KAZN: variants seen among roughly 807,000 people sequenced by gnomAD.
The protein encoded by KAZN is kazrin.
KAZN carries 40 observed loss-of-function variants against 87.4 expected under a neutral mutation model. That is an observed-to-expected ratio of 0.46 (90% CI 0.36 to 0.60). KAZN has a LOEUF of 0.60. KAZN is among the 20% of genes least tolerant of loss of function. The probability of loss-of-function intolerance (pLI) is 0.00; values close to 1 mark genes in which losing one functional copy is unlikely to be tolerated. For synonymous variants in KAZN, 466 were observed against 458.3 expected (o/e 1.02, Z -0.22); for missense variants, 898 against 1,073.9 (o/e 0.84, Z 2.29).
At chr1:14,143,025 G>A (rs1378183139) in intron 1 of KAZN, among the ~76,000 whole-genome samples, 2 of 152,054 alleles carry the variant, frequency 1.3e-5, no homozygotes, top group East Asian at 1.9e-4. Flanking sequence ...TAATTATCTC[G>A]GGGATGGAGC....
At chr1:14,972,756 T>C (rs1264171606) in intron 2 of KAZN, among the ~76,000 whole-genome samples, 136 of 152,126 alleles carry the variant, frequency 8.9e-4, no homozygotes, top group African/African-American at 3.1e-3. Context: ...CTCAAGTGAT[T>C]CGCCCACTGT....
At chr1:14,638,822 A>T (rs545322380) in intron 1 of KAZN, among the ~76,000 whole-genome samples, 2 of 152,070 alleles carry the variant, frequency 1.3e-5, no homozygotes, top group African/African-American at 2.4e-5. Context: ...CTCCCCTCTG[A>T]TCTCCTTGCT....
rs1003828640 is a variant in KAZN at position 14,289,589 on chromosome 1, G to A, written c.249+108997G>A. Among the ~76,000 whole-genome samples the A allele has an allele frequency of 2.6e-5, 4 of 151,826 alleles. No individual in the cohort carries two copies. In the East Asian group the frequency reaches 7.7e-4, roughly 29 times the overall value. ...GAGCCTATGTCTCTGCACATAAGAT[G>A]GGTCTCCCGAATATAGCACACTGTT... On this transcript the variant is annotated intron_variant, in intron 2 of 16. Transcript: ENST00000636203.
At chr1:14,024,849 A>G (rs772872458) in intron 1 of KAZN, among the ~76,000 whole-genome samples, 17 of 152,216 alleles carry the variant, frequency 1.1e-4, no homozygotes, top group African/African-American at 1.7e-4. Flanking sequence ...TTTGTCCCCA[A>G]TCAGTTAAAC....
intron 1 of KAZN, among the ~76,000 whole-genome samples, chr1:14,070,240 A>AAGGG (rs138174644): frequency 0.12 from 17,538 of 150,388 alleles, 1,150 homozygotes; most frequent in Admixed American, 0.13. Context: ...ATGAAAATTA[A>AAGGG]AGGGAGGTGA....
intron 1 of KAZN, among the ~76,000 whole-genome samples, chr1:14,078,814 A>C (rs1643561494): frequency 6.6e-6 from 1 of 152,134 alleles, no homozygotes; most frequent in African/African-American, 2.4e-5. Flanking sequence ...CCTCCCTGGT[A>C]GCTGGGATTA....
intron 1 of KAZN, among the ~76,000 whole-genome samples, chr1:14,152,807 A>G (rs184730874): frequency 1.3e-5 from 2 of 152,326 alleles, no homozygotes; most frequent in East Asian, 3.9e-4. Context: ...ATTCCCATCA[A>G]TAATGTACAA....
At chr1:14,453,148 G>A (rs967320131) in intron 2 of KAZN, among the ~76,000 whole-genome samples, 1 of 151,994 alleles carries the variant, frequency 6.6e-6, no homozygotes, top group Non-Finnish European at 1.5e-5. Flanking sequence ...GTAGAGACAG[G>A]GTTTCACCAT....
chr1:13,952,654 A>C (rs1641396975), intron 1 of KAZN, among the ~76,000 whole-genome samples: 1 of 45,700 alleles, frequency 2.2e-5, no homozygotes, highest in African/African-American at 8.3e-5. Context: ...ACTGTTATAA[A>C]CCCCCGATCG....
chr1:14,327,868 A>G (rs771556916), intron 2 of KAZN, among the ~76,000 whole-genome samples: 1 of 152,330 alleles, frequency 6.6e-6, no homozygotes, highest in South Asian at 2.1e-4. Context: ...TTCTGCCTAC[A>G]TGAGAATGCT....
At chr1:14,172,311 C>A (rs1645970585) in intron 1 of KAZN, among the ~76,000 whole-genome samples, 1 of 152,212 alleles carries the variant, frequency 6.6e-6, no homozygotes, top group African/African-American at 2.4e-5. Flanking sequence ...GCATACCACA[C>A]AATTCTAGGA....
At chr1:14,163,169 A>G (rs1397223804) in intron 1 of KAZN, among the ~76,000 whole-genome samples, 6 of 152,176 alleles carry the variant, frequency 3.9e-5, no homozygotes, top group Non-Finnish European at 5.9e-5. Flanking sequence ...TCTGAGGGGC[A>G]TAAGGCAGAG....
At chr1:14,419,675 G>A (rs536310605) in intron 2 of KAZN, among the ~76,000 whole-genome samples, 4 of 152,276 alleles carry the variant, frequency 2.6e-5, no homozygotes, top group African/African-American at 9.6e-5. Flanking sequence ...CCTTCCTTCT[G>A]GTGGGTTTGT....
intron 1 of KAZN, among the ~76,000 whole-genome samples, chr1:14,160,975 A>T (rs567002970): frequency 6.6e-6 from 1 of 152,336 alleles, no homozygotes; most frequent in African/African-American, 2.4e-5. Flanking sequence ...TTGTGTTATG[A>T]CTTATCCTTC....
chr1:14,875,026 T>C (rs1277378653), intron 1 of KAZN, among the ~76,000 whole-genome samples: 1 of 151,934 alleles, frequency 6.6e-6, no homozygotes, highest in Admixed American at 6.6e-5. Flanking sequence ...TGAGGAAAGG[T>C]CTCAGATATA....
At chr1:15,038,999 T>C (rs528709614) in intron 3 of KAZN, among the ~76,000 whole-genome samples, 1 of 149,634 alleles carries the variant, frequency 6.7e-6, no homozygotes, top group East Asian at 2.4e-4. Flanking sequence ...TATACAGACA[T>C]GAATGTGATA....
chr1:14,547,556 T>G (rs964877661), intron 2 of KAZN, among the ~76,000 whole-genome samples: 1 of 152,230 alleles, frequency 6.6e-6, no homozygotes, highest in Non-Finnish European at 1.5e-5. Context: ...TATTTTTTAG[T>G]GTTAAGGTTT....
At chr1:14,521,898 T>A (rs1671610727) in intron 2 of KAZN, among the ~76,000 whole-genome samples, 1 of 152,182 alleles carries the variant, frequency 6.6e-6, no homozygotes, top group East Asian at 1.9e-4. Context: ...AAGTGCACCA[T>A]AGGAAAAAAT....
At chr1:14,592,510 C>T (rs1389951863) in intron 2 of KAZN, among the ~76,000 whole-genome samples, 1 of 152,182 alleles carries the variant, frequency 6.6e-6, no homozygotes, top group Non-Finnish European at 1.5e-5. Context: ...TCTGGTTGAT[C>T]AGGGGTGGGG....
Sources: gnomAD v4.1 joint callset for allele counts (sites outside exome capture counted in the v4.1 genomes callset) on GRCh38, gnomAD v4.1.1 for gene constraint, MANE v1.5 for transcripts, NCBI Gene and HGNC (gene_info 2026-07-23, HGNC 2026-07-21) for gene names.